Variants in ENDOV observed in about 807,000 individuals in gnomAD.
The protein encoded by ENDOV is hEndoV.
A neutral mutation model predicts 39.4 loss-of-function variants in ENDOV; 37 were observed. The ratio of observed to expected loss-of-function variants is 0.94; its 90% CI spans 0.72 to 1.23. The LOEUF is 1.23. Among genes scored for constraint, ENDOV ranks in the 50% most tolerant of loss-of-function variants. The pLI, the probability that ENDOV is intolerant of heterozygous loss-of-function variation, is 0.00. For synonymous variants in ENDOV, 186 were observed against 163.4 expected, an observed-to-expected ratio of 1.14 and a Z score of -1.05; for missense variants, 441 against 375.7, an observed-to-expected ratio of 1.17 and a Z score of -1.44.
intron 7 of ENDOV, chr17:80,427,514 AG>A (rs1261340831): frequency 1.0e-6 from 1 of 985,340 alleles, no homozygotes; most frequent in Non-Finnish European, 1.2e-6. Flanking sequence ...CACCCTCCAG[AG>A]GAAGGAAAGC....
At chr17:80,434,625 T>G (rs1327155196) in intron 9 of ENDOV, among the ~76,000 whole-genome samples, 1 of 152,186 alleles carries the variant, frequency 6.6e-6, no homozygotes, top group East Asian at 1.9e-4. Flanking sequence ...GCCGCTTAGA[T>G]TCTAGCCATT....
intron 9 of ENDOV, 174 bp downstream of exon 9, chr17:80,430,005 G>C: frequency 1.3e-6 from 2 of 1,537,790 alleles, no homozygotes; most frequent in Non-Finnish European, 1.7e-6. Context: ...CCTGGGGGTG[G>C]TCTAGGGACT....
chr17:80,415,312 C>T (rs2080933681), intron 1 of ENDOV, 62 bp downstream of exon 1: 1 of 1,576,880 alleles, frequency 6.3e-7, no homozygotes, highest in South Asian at 1.1e-5. Flanking sequence ...TTCGCGGACC[C>T]TCCGAGCTCA....
At chr17:80,425,747 C>G (rs757091592) in intron 7 of ENDOV, 127 bp downstream of exon 7, 3 of 1,402,218 alleles carry the variant, frequency 2.1e-6, no homozygotes, top group African/African-American at 2.9e-5. Context: ...GTTCCTGGGC[C>G]GAGGACAGGT....
chr17:80,423,675 G>T (rs1195614499), intron 5 of ENDOV, 43 bp downstream of exon 5: 1 of 1,530,784 alleles, frequency 6.5e-7, no homozygotes. Context: ...CAGCTCAGTG[G>T]CGGGGCTGTG....
chr17:80,419,626 C>T (rs1269558175), intron 2 of ENDOV: 2 of 702,810 alleles, frequency 2.8e-6, no homozygotes, highest in East Asian at 2.7e-5. Context: ...TCTTCCCTGC[C>T]TTCTGCTTGT....
At chr17:80,424,086 C>T (rs755915717) in intron 5 of ENDOV, 53 of 395,048 alleles carry the variant, frequency 1.3e-4, no homozygotes, top group Non-Finnish European at 2.0e-4. Context: ...CTCTTCCTAC[C>T]TCACCTTCCC....
At chr17:80,426,178 G>A (rs1169889860) in intron 7 of ENDOV, among the ~76,000 whole-genome samples, 1 of 152,242 alleles carries the variant, frequency 6.6e-6, no homozygotes, top group East Asian at 1.9e-4. Flanking sequence ...GCCAGGGAGA[G>A]ACAGCTGGCA....
At position 80,426,556 on chromosome 17, in the gene ENDOV, C is replaced by T. The variant is rs570004494; in HGVS notation, c.714+936C>T. 1.7e-3 allele frequency among the ~76,000 whole-genome samples: 253 copies of T among 152,154 alleles called. 1 individual carries two copies. Among genetic ancestry groups the T allele is most frequent in the African/African-American group, 5.3e-3 (219 of 41,506 alleles). On this transcript the variant is annotated intron_variant, in intron 7 of 9. Coordinates refer to ENST00000518137, the MANE Select transcript of ENDOV (RefSeq NM_173627.5). ...GTCTCTGCTACTTAGGAGGCTGAGGCGGGAGGATCACCTGAGCCCAGGAGG... is the reference window on the plus strand; with the variant it reads ...GTCTCTGCTACTTAGGAGGCTGAGGTGGGAGGATCACCTGAGCCCAGGAGG...
chr17:80,427,062 C>A (rs1385476007), intron 7 of ENDOV, among the ~76,000 whole-genome samples: 1 of 152,260 alleles, frequency 6.6e-6, no homozygotes, highest in Non-Finnish European at 1.5e-5. Flanking sequence ...CTCCAGGGGG[C>A]AGCAGCAGCC....
chr17:80,436,037 G>T (rs569806485), intron 9 of ENDOV, 96 bp from the exon 10 acceptor site: 3 of 1,388,842 alleles, frequency 2.2e-6, no homozygotes, highest in Non-Finnish European at 3.0e-6. Context: ...TTACAGGCGC[G>T]AGCCACTGCA....
chr17:80,419,130 G>C (rs188936619), intron 2 of ENDOV, among the ~76,000 whole-genome samples: 1 of 146,492 alleles, frequency 6.8e-6, no homozygotes, highest in East Asian at 2.0e-4. Context: ...CCGAGATCGC[G>C]TCAGTGCACT....
In ENDOV at chr17:80,415,465, C is replaced by T. The variant is rs111889553; in HGVS notation, c.57-185C>T. ...CTCGCTTCCGGCCAGTTTGTCTGGC[C>T]TGCGCTTGCGCGGGTCTCCGCCGCC... On this transcript the variant is annotated intron_variant, in intron 1 of 9. Transcript: ENST00000518137. The T allele has an allele frequency of 3.7e-3, 3,770 of 1,006,744 alleles. 89 individuals carry two copies. The African/African-American group carries it at 0.051, about 14-fold the overall frequency. The allele number at this position is 1,006,744 out of a possible 1,614,324, so 62.4% of individuals were successfully genotyped here.
At chr17:80,431,204 C>G (rs1014525853) in intron 9 of ENDOV, among the ~76,000 whole-genome samples, 9 of 152,168 alleles carry the variant, frequency 5.9e-5, no homozygotes, top group African/African-American at 2.2e-4. Flanking sequence ...AGGTGCTATC[C>G]TGGTGTTCCT....
intron 9 of ENDOV, chr17:80,430,389 T>G (rs1333768297): frequency 9.9e-6 from 15 of 1,509,724 alleles, no homozygotes; most frequent in Non-Finnish European, 1.3e-5. Flanking sequence ...GTTTGTTTGT[T>G]TATTTATTTC....
intron 7 of ENDOV, among the ~76,000 whole-genome samples, chr17:80,426,805 G>A (rs1369669175): frequency 1.3e-5 from 2 of 152,358 alleles, no homozygotes; most frequent in African/African-American, 2.4e-5. Flanking sequence ...AGTTGGCAGC[G>A]GGGCGCCCGC....
Position 80,422,197 on chromosome 17 carries a change from G to T in ENDOV, c.364-9G>T, listed in dbSNP as rs1399702211. Reference sequence around the variant, plus strand: ...TCAGCTGACTGTGACTCTCCCTGTGGCTCCATAGGTCCTTCTTGTGGATGG... The same window carrying T: ...TCAGCTGACTGTGACTCTCCCTGTGTCTCCATAGGTCCTTCTTGTGGATGG... On this transcript the variant is annotated splice_polypyrimidine_tract_variant and intron_variant, in intron 3 of 9. Coordinates refer to ENST00000518137, the MANE Select transcript of ENDOV (RefSeq NM_173627.5). 1 of 1,613,646 alleles carries T rather than the reference G, an allele frequency of 6.2e-7. No individual in the cohort carries two copies. Among genetic ancestry groups the T allele is most frequent in the Non-Finnish European group, 8.5e-7 (1 of 1,179,810 alleles).
At chr17:80,415,921 C>T (rs2081074146) in intron 2 of ENDOV, 100 bp downstream of exon 2, 5 of 1,421,970 alleles carry the variant, frequency 3.5e-6, no homozygotes, top group African/African-American at 1.5e-5. Flanking sequence ...CCCGGCTTCT[C>T]GTTTTGTAGG....
At chr17:80,423,919 T>C in intron 5 of ENDOV, 1 of 461,432 alleles carries the variant, frequency 2.2e-6, no homozygotes, top group Non-Finnish European at 3.8e-6. Flanking sequence ...AGTCCTCCAG[T>C]TACTGGGGAC....
Sources: allele counts gnomAD v4.1 joint callset (sites outside exome capture counted in the v4.1 genomes callset), GRCh38; gene constraint gnomAD v4.1.1; transcripts MANE v1.5; gene names NCBI Gene and HGNC (gene_info 2026-07-23, HGNC 2026-07-21).